KCNAB1: variants seen among roughly 807,000 people sequenced by gnomAD.
KCNAB1 encodes potassium voltage-gated channel subfamily A regulatory beta subunit 1, also known as voltage-gated potassium channel subunit beta-1.
In KCNAB1, 35 loss-of-function variants were observed where a neutral mutation model predicts 64.6. That is an observed-to-expected ratio of 0.54 (90% CI 0.41 to 0.72). KCNAB1 has a LOEUF of 0.72. Among genes scored for constraint, KCNAB1 ranks in the 30% least tolerant of loss-of-function variants. The pLI is 0.00. For synonymous variants in KCNAB1, 177 were observed against 183.8 expected (o/e 0.96, Z 0.30); for missense variants, 401 against 512.9 (o/e 0.78, Z 2.11).
At chr3:156,502,122 T>C (rs1716487439) in intron 8 of KCNAB1, among the ~76,000 whole-genome samples, 3 of 152,160 alleles carry the variant, frequency 2.0e-5, no homozygotes, top group African/African-American at 7.2e-5. Flanking sequence ...CCAATTCTGC[T>C]AAATGTGCCC....
At chr3:156,295,150 G>A (rs1326060195) in intron 1 of KCNAB1, among the ~76,000 whole-genome samples, 1 of 152,064 alleles carries the variant, frequency 6.6e-6, no homozygotes, top group Non-Finnish European at 1.5e-5. Flanking sequence ...TTGGAGGGGT[G>A]ATAGTCATGC....
chr3:156,127,886 T>G (rs761841332), intron 1 of KCNAB1, among the ~76,000 whole-genome samples: 168 of 108,156 alleles, frequency 1.6e-3, no homozygotes, highest in South Asian at 3.1e-3. Flanking sequence ...TCATTTGGGG[T>G]GTGTGTGTGT....
At chr3:156,379,778 A>G (rs1259281321) in intron 1 of KCNAB1, among the ~76,000 whole-genome samples, 2 of 152,176 alleles carry the variant, frequency 1.3e-5, no homozygotes, top group Non-Finnish European at 2.9e-5. Flanking sequence ...CACTCTGGCC[A>G]CTGCATAGGG....
chr3:156,444,533 G>A (rs2108266042), intron 2 of KCNAB1, among the ~76,000 whole-genome samples: 1 of 152,302 alleles, frequency 6.6e-6, no homozygotes, highest in South Asian at 2.1e-4. Context: ...GAGTGGTGGA[G>A]TCAGAACTCC....
chr3:156,392,879 GC>G (rs1447436483), intron 1 of KCNAB1, among the ~76,000 whole-genome samples: 1 of 152,016 alleles, frequency 6.6e-6, no homozygotes, highest in Non-Finnish European at 1.5e-5. Flanking sequence ...TTGAATTTTG[GC>G]ATCTATGCTC....
At chr3:156,371,852 T>C (rs1726326707) in intron 1 of KCNAB1, among the ~76,000 whole-genome samples, 1 of 152,212 alleles carries the variant, frequency 6.6e-6, no homozygotes, top group Non-Finnish European at 1.5e-5. Flanking sequence ...CAAAAACTAC[T>C]TTAACAACCA....
chr3:156,269,212 G>T (rs1219471064), intron 1 of KCNAB1, among the ~76,000 whole-genome samples: 2 of 152,114 alleles, frequency 1.3e-5, no homozygotes, highest in Non-Finnish European at 2.9e-5. Flanking sequence ...CAGTTCCATT[G>T]GTATATATGT....
rs566331021 is a variant in KCNAB1, at chr3:156,538,401, T to G, written c.*1654T>G. 2 of 152,362 alleles carry G rather than the reference T, an allele frequency of 1.3e-5. No homozygotes were observed. The highest frequency in any genetic ancestry group is 3.9e-4 in the East Asian group (2 of 5,188). 9.4% of individuals were successfully genotyped at this position (152,362 alleles called of 1,614,324 possible). ...ATCAAGAAATTTTCTTTTTGATTAC[T>G]AGTACCTGTATTCTAACAGAGAGTT... On this transcript the variant is annotated 3_prime_UTR_variant, in exon 14 of 14. Coordinates refer to ENST00000490337, the MANE Select transcript of KCNAB1 (RefSeq NM_172160.3).
chr3:156,239,363 C>T (rs1027508884), intron 1 of KCNAB1, among the ~76,000 whole-genome samples: 1 of 152,184 alleles, frequency 6.6e-6, no homozygotes, highest in Admixed American at 6.5e-5. Flanking sequence ...TTTCTCTATG[C>T]TTGTTAAGGA....
chr3:156,288,394 T>C (rs1432666177), intron 1 of KCNAB1, among the ~76,000 whole-genome samples: 2 of 152,248 alleles, frequency 1.3e-5, no homozygotes, highest in African/African-American at 4.8e-5. Context: ...TATCTATGTT[T>C]GTGGGTCTTA....
At chr3:156,473,054 G>T (rs1169384772) in intron 7 of KCNAB1, among the ~76,000 whole-genome samples, 4 of 152,184 alleles carry the variant, frequency 2.6e-5, no homozygotes, top group Admixed American at 2.6e-4. Context: ...CCTCTGCCAG[G>T]CATAGGCCAG....
At chr3:156,310,124 C>T (rs916717838) in intron 1 of KCNAB1, among the ~76,000 whole-genome samples, 2 of 152,134 alleles carry the variant, frequency 1.3e-5, no homozygotes, top group African/African-American at 4.8e-5. Context: ...ACTCTTTGTG[C>T]AGTAGTGCAG....
At chr3:156,476,379 C>G (rs578214983) in intron 8 of KCNAB1, among the ~76,000 whole-genome samples, 1 of 152,060 alleles carries the variant, frequency 6.6e-6, no homozygotes, top group Non-Finnish European at 1.5e-5. Flanking sequence ...TCTCACATAT[C>G]GGTGAGAACA....
At chr3:156,502,038 C>A (rs1388731589) in intron 8 of KCNAB1, among the ~76,000 whole-genome samples, 1 of 152,126 alleles carries the variant, frequency 6.6e-6, no homozygotes, top group Non-Finnish European at 1.5e-5. Context: ...GTCCCTCCCG[C>A]AACATGTGGG....
intron 1 of KCNAB1, among the ~76,000 whole-genome samples, chr3:156,279,230 T>G (rs1214706283): frequency 6.6e-6 from 1 of 150,918 alleles, no homozygotes; most frequent in African/African-American, 2.4e-5. Flanking sequence ...GGTTTTTTGT[T>G]CTTGCGATAG....
At position 156,537,175 on chromosome 3, in the gene KCNAB1, TGAGA is replaced by T; in HGVS notation, c.*431_*434del. ...ACTAAATTCAGTGAAGGAAAGGAAT[TGAGA>T]GATTTTTCTTAGTAAATAGATTATT... On this transcript the variant is annotated 3_prime_UTR_variant, in exon 14 of 14. Transcript: ENST00000490337. 1 of 397,990 alleles carries T rather than the reference TGAGA, an allele frequency of 2.5e-6. No homozygotes were observed. The highest frequency in any genetic ancestry group is 4.4e-5 in the Admixed American group (1 of 22,700). 24.7% of individuals were successfully genotyped at this position (397,990 alleles called of 1,614,324 possible).
intron 12 of KCNAB1, among the ~76,000 whole-genome samples, chr3:156,528,143 G>A (rs1052006979): frequency 2.8e-5 from 4 of 145,408 alleles, no homozygotes; most frequent in Non-Finnish European, 3.0e-5. Flanking sequence ...GCCAAAAATA[G>A]TTCTCAGTGC....
chr3:156,494,666 A>ACACT (rs1715875111), intron 8 of KCNAB1, among the ~76,000 whole-genome samples: 1 of 152,166 alleles, frequency 6.6e-6, no homozygotes, highest in African/African-American at 2.4e-5. Context: ...GCTGTGTCAC[A>ACACT]GAGGAGTGCC....
intron 1 of KCNAB1, among the ~76,000 whole-genome samples, chr3:156,318,055 G>C (rs1166635486): frequency 6.6e-6 from 1 of 152,174 alleles, no homozygotes; most frequent in Non-Finnish European, 1.5e-5. Context: ...AGCCAAGCCT[G>C]CTTTAAAAGC....
Sources: allele counts gnomAD v4.1 joint callset (sites outside exome capture counted in the v4.1 genomes callset), GRCh38; gene constraint gnomAD v4.1.1; transcripts MANE v1.5; gene names NCBI Gene and HGNC (gene_info 2026-07-23, HGNC 2026-07-21).